RSPH6A: variants seen among roughly 807,000 people sequenced by gnomAD.
RSPH6A encodes radial spoke head 6 homolog A.
RSPH6A carries 49 observed loss-of-function variants against 66.1 expected under a neutral mutation model. That is an observed-to-expected ratio of 0.74 (90% CI 0.59 to 0.94). The LOEUF is 0.94. Among genes scored for constraint, RSPH6A ranks in the 40% least tolerant of loss-of-function variants. The pLI is 0.00. For missense variants in RSPH6A, 977 were observed against 948.3 expected (o/e 1.03, Z -0.40); for synonymous variants, 419 against 402.4 (o/e 1.04, Z -0.49).
Position 45,802,154 on chromosome 19 carries a change from G to C in RSPH6A, c.1764C>G (p.Gly588=). 2 of 1,556,510 alleles carry C rather than the reference G, an allele frequency of 1.3e-6. No homozygotes were observed. Among genetic ancestry groups the C allele is most frequent in the Non-Finnish European group, 1.7e-6 (2 of 1,146,232 alleles). The change falls in exon 4 of 6, where the codon GGC becomes GGG. Residue 588 remains glycine (G), a synonymous_variant. Transcript: ENST00000221538. ...CTGAAAGTGGCGTTAGCAGTGGGGG[G>C]CCAACCTCCTGCTCCACCTCCTCTG... ...EGPEEVEQEV[G]PPLLTPLSED...
Position 45,800,514 on chromosome 19 carries a change from G to A in RSPH6A, c.1848C>T (p.Cys616=), listed in dbSNP as rs1385924768. The part of the protein sequence containing the change: ...PWTTRLSCSL[C]PQYSVAVVRS... Reference sequence around the variant, plus strand: ...GCACAACGGCCACTGAGTACTGCGGGCAGAGGCTGCAGGACAGGCGGGTGG... The same window carrying A: ...GCACAACGGCCACTGAGTACTGCGGACAGAGGCTGCAGGACAGGCGGGTGG... The change falls in exon 5 of 6, where the codon TGC becomes TGT. Residue 616 remains cysteine (C), a synonymous_variant. Coordinates refer to ENST00000221538, the MANE Select transcript of RSPH6A (RefSeq NM_030785.4). 1.9e-6 allele frequency: 3 copies of A among 1,613,532 alleles called. No homozygotes were observed. Among genetic ancestry groups the A allele is most frequent in the East Asian group, 4.5e-5 (2 of 44,866 alleles).
intron 2 of RSPH6A, among the ~76,000 whole-genome samples, chr19:45,808,320 G>A (rs1161784333): frequency 5.9e-5 from 9 of 152,238 alleles, no homozygotes; most frequent in African/African-American, 1.4e-4. Flanking sequence ...CCAGCTACTC[G>A]GGAGGCTGAG....
Position 45,802,148 on chromosome 19 carries a change from TGGG to T in RSPH6A, c.1767_1769del (p.Pro590del), listed in dbSNP as rs767217380. ...CATCTTCTGAAAGTGGCGTTAGCAG[TGGG>T]GGGCCAACCTCCTGCTCCACCTCCT... On this transcript the variant is annotated inframe_deletion, in exon 4 of 6. Coordinates refer to ENST00000221538, the MANE Select transcript of RSPH6A (RefSeq NM_030785.4). The T allele has an allele frequency of 5.8e-6, 9 of 1,552,984 alleles. No homozygotes were observed. The highest frequency in any genetic ancestry group is 7.9e-6 in the Non-Finnish European group (9 of 1,144,170).
Position 45,801,215 on chromosome 19 carries a change from C to A in RSPH6A, c.1799-652G>T, listed in dbSNP as rs546332638. Among the ~76,000 whole-genome samples the A allele has an allele frequency of 1.4e-3, 207 of 152,340 alleles. 1 individual carries two copies. The highest frequency in any genetic ancestry group is 4.8e-3 in the African/African-American group (199 of 41,580). Reference sequence around the variant, plus strand: ...CTTTGTTGCAGGGTGGCAGTGAAGCCTGGTGACAAGGTCTGCAGCACACCT... The same window carrying A: ...CTTTGTTGCAGGGTGGCAGTGAAGCATGGTGACAAGGTCTGCAGCACACCT... On this transcript the variant is annotated intron_variant, in intron 4 of 5. Transcript: ENST00000221538.
chr19:45,814,995 C>A lies in RSPH6A; in HGVS notation c.182G>T (p.Gly61Val). Reference sequence around the variant, plus strand: ...CAAGTTCTCCTGTTGGGACAGGCTGCCCCTCTGTGACCAACCAGGGGCGTT... The same window carrying A: ...CAAGTTCTCCTGTTGGGACAGGCTGACCCTCTGTGACCAACCAGGGGCGTT... ...QRNAPGWSQR[G>V]SLSQQENLLM... The change falls in exon 1 of 6, where the codon GGC (glycine) becomes GTC (valine). Residue 61 changes from glycine to valine, a missense_variant. By Grantham distance (109) the Gly-to-Val change is moderately radical. Transcript: ENST00000221538. The A allele has an allele frequency of 6.2e-7, 1 of 1,613,882 alleles. No individual in the cohort carries two copies. The highest frequency in any genetic ancestry group is 8.5e-7 in the Non-Finnish European group (1 of 1,180,048).
chr19:45,804,966 C>T lies in RSPH6A; in HGVS notation c.939G>A (p.Gln313=). 5 of 1,613,884 alleles carry T rather than the reference C, an allele frequency of 3.1e-6. No homozygotes were observed. Among genetic ancestry groups the T allele is most frequent in the Non-Finnish European group, 3.4e-6 (4 of 1,180,038 alleles). ...NIMETAFYFE[Q]AGVGLSSDES... ...CGTCCGAGCTCAGGCCGACGCCGGCCTGCTCGAAGTAGAAGGCAGTCTCCA... is the reference window on the plus strand; with the variant it reads ...CGTCCGAGCTCAGGCCGACGCCGGCTTGCTCGAAGTAGAAGGCAGTCTCCA... The change falls in exon 3 of 6, where the codon CAG becomes CAA. Residue 313 remains glutamine, a synonymous_variant. Coordinates refer to ENST00000221538, the MANE Select transcript of RSPH6A (RefSeq NM_030785.4). This position sits in a 1 kb window ranked among gnomAD's most constrained non-coding sequence, Gnocchi z 5.8.
At chr19:45,806,670 CAAAAAAAAAAAAAAAAAAAAAA>C (rs71175223) in intron 2 of RSPH6A, among the ~76,000 whole-genome samples, 4 of 29,128 alleles carry the variant, frequency 1.4e-4, no homozygotes, top group African/African-American at 3.2e-4. Context: ...GACTCTGTCT[CAAAAAAAAAAAAAAAAAAAAAA>C]AAAAAAAAAA....
At chr19:45,810,007 C>T (rs191031011) in intron 2 of RSPH6A, among the ~76,000 whole-genome samples, 4 of 152,282 alleles carry the variant, frequency 2.6e-5, no homozygotes, top group African/African-American at 9.6e-5. Flanking sequence ...ACAGACCCCA[C>T]ATTAAGAACT....
intron 5 of RSPH6A, among the ~76,000 whole-genome samples, chr19:45,797,733 T>G (rs1970423476): frequency 1.3e-5 from 2 of 151,808 alleles, no homozygotes; most frequent in Admixed American, 1.3e-4. Flanking sequence ...CTGGGCGTGG[T>G]AGTGGGCGCC....
rs992467488 is a variant in RSPH6A at position 45,802,144 on chromosome 19, G to A, written c.1774C>T (p.Leu592=). The A allele has an allele frequency of 9.0e-6, 14 of 1,548,892 alleles. No homozygotes were observed. The highest frequency in any genetic ancestry group is 1.4e-5 in the African/African-American group (1 of 72,292). ...EVEQEVGPPL[L]TPLSEDAEIM... ...CCTGCATCTTCTGAAAGTGGCGTTA[G>A]CAGTGGGGGGCCAACCTCCTGCTCC... The change falls in exon 4 of 6, where the codon CTA becomes TTA. Residue 592 remains leucine (L), a synonymous_variant. Transcript: ENST00000221538.
Position 45,805,091 on chromosome 19 carries a change from T to G in RSPH6A, c.889-75A>C, listed in dbSNP as rs1328922754. The G allele has an allele frequency of 5.3e-6, 7 of 1,314,976 alleles. No homozygotes were observed. The Admixed American group carries it at 6.3e-5, about 12-fold the overall frequency. 81.5% of individuals were successfully genotyped at this position (1,314,976 alleles called of 1,614,324 possible). ...CCCTAGCCTACCTCTTCCAGACTCT[T>G]CTAGAGTCAAGAGAGCTAAAAGAGG... is the stretch of plus-strand genomic sequence containing the variant. On this transcript the variant is annotated intron_variant, in intron 2 of 5. Transcript: ENST00000221538.
rs760560132 is a variant in RSPH6A at position 45,796,014 on chromosome 19, G to T, written c.2009C>A (p.Pro670His). The change falls in exon 6 of 6, where the codon CCC becomes CAC. Residue 670 changes from proline (P) to histidine (H), a missense_variant. Physicochemically the swap from Pro to His is moderately conservative, Grantham distance 77. Transcript: ENST00000221538. Reference protein sequence around the residue: ...ALPAPIQQEYPSGPEIMEMSD... With the variant: ...ALPAPIQQEYHSGPEIMEMSD... ...CATCTCCATGATCTCTGGGCCACTG[G>T]GGTACTCTTGTTGAATGGGGGCTGG... 1.2e-6 allele frequency: 2 copies of T among 1,613,846 alleles called. No individual in the cohort carries two copies. Among genetic ancestry groups the T allele is most frequent in the Non-Finnish European group, 1.7e-6 (2 of 1,179,962 alleles).
chr19:45,814,631 G>C lies in RSPH6A; in HGVS notation c.546C>G (p.Phe182Leu). The C allele has an allele frequency of 6.2e-7, 1 of 1,603,674 alleles. No homozygotes were observed. The highest frequency in any genetic ancestry group is 8.5e-7 in the Non-Finnish European group (1 of 1,174,756). ...ALQFLPSELG[F>L]PHYSAQVPEP... ...CAGGCACCTGGGCACTGTAGTGTGG[G>C]AAGCCCAGCTCAGAGGGCAAGAACT... Residue 182 changes from phenylalanine (F) to leucine (L), a missense_variant, in exon 1 of 6, where the codon TTC (phenylalanine) becomes TTG (leucine). Phe to Leu is a conservative substitution (Grantham distance 22). Transcript: ENST00000221538.
Position 45,804,587 on chromosome 19 carries a change from G to A in RSPH6A, c.1318C>T (p.Arg440Trp), listed in dbSNP as rs199908592. ...TGGGCTGGAGTGACGTGGGGCAGCC[G>A]CGTCCATGGCAGGCCCGGCTCGTTG... Reference protein sequence around the residue: ...VCNEPGLPWTRLPHVTPAQIV... With the variant: ...VCNEPGLPWTWLPHVTPAQIV... Residue 440 changes from arginine (R) to tryptophan (W), a missense_variant, in exon 3 of 6, where the codon CGG (arginine) becomes TGG (tryptophan). Arg to Trp is a moderately radical substitution (Grantham distance 101). Coordinates refer to ENST00000221538, the MANE Select transcript of RSPH6A (RefSeq NM_030785.4). The surrounding 1 kb of genome is among the most constrained non-coding windows in gnomAD (Gnocchi z 5.8). 3.0e-5 allele frequency: 48 copies of A among 1,614,178 alleles called. No individual in the cohort carries two copies. Among genetic ancestry groups the A allele is most frequent in the East Asian group, 6.7e-5 (3 of 44,880 alleles).
chr19:45,810,402 C>T (rs953152703), intron 2 of RSPH6A, among the ~76,000 whole-genome samples: 10 of 152,144 alleles, frequency 6.6e-5, no homozygotes, highest in Non-Finnish European at 1.2e-4. Flanking sequence ...GATCTCCTGA[C>T]CTCGTGATCT....
intron 5 of RSPH6A, among the ~76,000 whole-genome samples, chr19:45,797,925 A>G (rs1392128685): frequency 6.6e-6 from 1 of 152,090 alleles, no homozygotes; most frequent in Non-Finnish European, 1.5e-5. Context: ...GGAGACTGAT[A>G]ATGAACAAGG....
At position 45,810,839 on chromosome 19, in the gene RSPH6A, A is replaced by T. The variant is rs762525370; in HGVS notation, c.652T>A (p.Tyr218Asn). 5.0e-6 allele frequency: 8 copies of T among 1,605,440 alleles called. 1 individual carries two copies. The South Asian group carries it at 8.8e-5, about 18-fold the overall frequency. Residue 218 changes from tyrosine to asparagine, a missense_variant and splice_region_variant, in exon 2 of 6, where the codon TAC (tyrosine) becomes AAC (asparagine). Coordinates refer to ENST00000221538, the MANE Select transcript of RSPH6A (RefSeq NM_030785.4). ...GTCAGCAGATTCACCAGGTGCTCGT[A>T]CCTGCCTCCCGCAGGAGGAGTGGGA... The part of the protein sequence containing the change: ...QTSINCDLSL[Y>N]EHLVNLLTKI...
intron 5 of RSPH6A, among the ~76,000 whole-genome samples, chr19:45,798,337 C>A (rs894803386): frequency 2.0e-5 from 3 of 150,590 alleles, no homozygotes; most frequent in African/African-American, 7.3e-5. Context: ...CCAGCCTAGG[C>A]AACAAAATAA....
rs768423135 is a variant in RSPH6A at position 45,810,831 on chromosome 19, G to A, written c.660C>T (p.His220=). 1.2e-6 allele frequency: 2 copies of A among 1,608,750 alleles called. No individual in the cohort carries two copies. The highest frequency in any genetic ancestry group is 1.7e-6 in the Non-Finnish European group (2 of 1,175,824). Reference sequence around the variant, plus strand: ...GGATCTTGGTCAGCAGATTCACCAGGTGCTCGTACCTGCCTCCCGCAGGAG... The same window carrying A: ...GGATCTTGGTCAGCAGATTCACCAGATGCTCGTACCTGCCTCCCGCAGGAG... The part of the protein sequence containing the change: ...SINCDLSLYE[H]LVNLLTKILN... The change falls in exon 2 of 6, where the codon CAC becomes CAT. Residue 220 remains histidine (H), a synonymous_variant. Coordinates refer to ENST00000221538, the MANE Select transcript of RSPH6A (RefSeq NM_030785.4).
Sources: allele counts gnomAD v4.1 joint callset (sites outside exome capture counted in the v4.1 genomes callset), GRCh38; gene constraint gnomAD v4.1.1; non-coding constraint Gnocchi (gnomAD v3.1); transcripts MANE v1.5; gene names NCBI Gene and HGNC (gene_info 2026-07-23, HGNC 2026-07-21).